PRG3: variants seen among roughly 807,000 people sequenced by gnomAD.
The protein encoded by PRG3 is proteoglycan 3.
In PRG3, 25 loss-of-function variants were observed where a neutral mutation model predicts 26.1. The observed-to-expected ratio is 0.96, with a 90% CI of 0.70 to 1.34. The LOEUF is 1.34. Ranked by LOEUF, PRG3 falls within the 40% of genes most tolerant of loss-of-function variation. The probability of loss-of-function intolerance (pLI) is 0.00; values close to 1 mark genes in which losing one functional copy is unlikely to be tolerated. For missense variants in PRG3, 280 were observed against 264.8 expected (o/e 1.06, Z -0.40); for synonymous variants, 111 against 100.4 (o/e 1.11, Z -0.63).
chr11:57,379,434 G>C, intron 3 of PRG3, 60 bp downstream of exon 3: 1 of 1,455,284 alleles, frequency 6.9e-7, no homozygotes, highest in East Asian at 2.3e-5. Context: ...ATAGGGAACA[G>C]AAGACTGAAT....
chr11:57,379,696 T>A lies in PRG3; in HGVS notation c.173A>T (p.Gln58Leu). 6.2e-7 allele frequency: 1 copy of A among 1,613,960 alleles called. No individual in the cohort carries two copies. The highest frequency in any genetic ancestry group is 8.5e-7 in the Non-Finnish European group (1 of 1,180,028). ...RDLALTEEVI[Q>L]AEGEEVKASA... is the part of the protein sequence containing the mutation. ...AGCCTTGACCTCCTCTCCCTCTGCC[T>A]GAATCACCTCCTCCGTCAGAGCCAA... is the stretch of plus-strand genomic sequence containing the variant. The change falls in exon 3 of 6, where the codon CAG (glutamine) becomes CTG (leucine). Residue 58 changes from glutamine (Q) to leucine (L), a missense_variant. Physicochemically the swap from Gln to Leu is moderately radical, Grantham distance 113 (BLOSUM62 -2). Transcript: ENST00000287143.
chr11:57,377,589 T>A, intron 5 of PRG3, 136 bp downstream of exon 5: 1 of 714,334 alleles, frequency 1.4e-6, no homozygotes, highest in Non-Finnish European at 2.3e-6. Flanking sequence ...TCAGCCCTCC[T>A]TACACACAGG....
At chr11:57,378,633 C>T (rs770842857) in intron 4 of PRG3, 48 bp downstream of exon 4, 1 of 1,601,858 alleles carries the variant, frequency 6.2e-7, no homozygotes, top group Non-Finnish European at 8.5e-7. Context: ...GCTACTTTAA[C>T]ACATTCAGAA....
chr11:57,379,730 C>T lies in PRG3; in HGVS notation c.139G>A (p.Glu47Lys). The part of the protein sequence containing the change: ...GQDLDSSKEQ[E>K]RDLALTEEVI... ...TCCTCCGTCAGAGCCAAGTCTCTCT[C>T]CTGCTCCTTTGAACTATCCAGATCC... The change falls in exon 3 of 6, where the codon GAG becomes AAG. Residue 47 changes from glutamate to lysine, a missense_variant. Transcript: ENST00000287143. The T allele has an allele frequency of 1.2e-6, 2 of 1,614,010 alleles. No homozygotes were observed. Among genetic ancestry groups the T allele is most frequent in the Middle Eastern group, 3.3e-4 (2 of 6,062 alleles).
intron 4 of PRG3, among the ~76,000 whole-genome samples, chr11:57,378,440 C>G (rs1856964404): frequency 6.6e-6 from 1 of 151,348 alleles, no homozygotes; most frequent in Admixed American, 6.6e-5. Context: ...TGCCTATTTC[C>G]TTTGTGTAAA....
Position 57,379,500 on chromosome 11 carries a change from T to C in PRG3, c.369A>G (p.Glu123=), listed in dbSNP as rs1259503365. 1 of 1,606,682 alleles carries C rather than the reference T, an allele frequency of 6.2e-7. No homozygotes were observed. Among genetic ancestry groups the C allele is most frequent in the Non-Finnish European group, 8.5e-7 (1 of 1,175,580 alleles). ...LLVRTPKTFA[E]AQNVCSRCYG... is the part of the protein sequence containing the mutation. ...TAGCCTCCCTACTACTTACCTGAGC[T>C]TCTGCAAAAGTTTTAGGAGTCCGCA... The change falls in exon 3 of 6, where the codon GAA becomes GAG. Residue 123 remains glutamate (E), a synonymous_variant. Transcript: ENST00000287143.
chr11:57,377,723 A>G lies in PRG3; in HGVS notation c.619+2T>C. The G allele has an allele frequency of 6.2e-7, 1 of 1,609,966 alleles. No individual in the cohort carries two copies. The highest frequency in any genetic ancestry group is 1.1e-5 in the South Asian group (1 of 90,932). ...CCCTGCCCTGGTGCCCTTCCCCCTCACCTTTGGTGCATAGGGCCACACAGG... is the reference window on the plus strand; with the variant it reads ...CCCTGCCCTGGTGCCCTTCCCCCTCGCCTTTGGTGCATAGGGCCACACAGG... On this transcript the variant is annotated splice_donor_variant, in intron 5 of 5. Coordinates refer to ENST00000287143, the MANE Select transcript of PRG3 (RefSeq NM_006093.4). LOFTEE classifies it high-confidence loss of function.
rs201230268 is a variant in PRG3, at chr11:57,377,756, C to T, written c.588G>A (p.Gly196=). Residue 196 remains glycine (G), a synonymous_variant, in exon 5 of 6, where the codon GGG becomes GGA. Transcript: ENST00000287143. ...AYWSPGQPGN[G]QGSCVALCTK... ...TGCATAGGGCCACACAGGAGCCTTG[C>T]CCATTCCCAGGTTGCCCTGGGGACC... The T allele has an allele frequency of 3.8e-4, 607 of 1,613,068 alleles. 2 individuals are homozygous for T. Among genetic ancestry groups the T allele is most frequent in the South Asian group, 1.4e-3 (126 of 91,060 alleles).
Position 57,380,695 on chromosome 11 carries a change from A to T in PRG3, c.14T>A (p.Leu5Ter), listed in dbSNP as rs144542413. 62 of 1,572,490 alleles carry T rather than the reference A, an allele frequency of 3.9e-5. No individual in the cohort carries two copies. In the African/African-American group the frequency reaches 7.7e-4, roughly 20 times the overall value. MQCL[L>*]LLPFLLLGTV... is the part of the protein sequence containing the mutation. ...TCCCAGCAGGAGAAAGGGCAGGAGC[A>T]AGAGGCATTGCATATCTACTGTCTT... The change falls in exon 2 of 6, where the codon TTG (leucine) becomes TAG (stop). Residue 5 changes from leucine (L) to a stop codon, truncating the protein, a stop_gained. Coordinates refer to ENST00000287143, the MANE Select transcript of PRG3 (RefSeq NM_006093.4). LOFTEE classifies it high-confidence loss of function.
chr11:57,378,723 G>T lies in PRG3; in HGVS notation c.465C>A (p.Val155=). The T allele has an allele frequency of 2.5e-6, 4 of 1,613,788 alleles. No homozygotes were observed. The South Asian group carries it at 4.4e-5, about 18-fold the overall frequency. Residue 155 remains valine, a synonymous_variant, in exon 4 of 6, where the codon GTC becomes GTA. Coordinates refer to ENST00000287143, the MANE Select transcript of PRG3 (RefSeq NM_006093.4). The part of the protein sequence containing the change: ...NYRIQCCTST[V]NQAQVWIGGN... ...CTCCAATCCAGACCTGGGCTTGGTT[G>T]ACTGTGCTAGTGCAGCACTGAATGC...
chr11:57,377,700 C>A, intron 5 of PRG3, 25 bp downstream of exon 5: 1 of 1,579,516 alleles, frequency 6.3e-7, no homozygotes, highest in Non-Finnish European at 8.7e-7. Flanking sequence ...TCCCTTCTCC[C>A]TGCCCTGGTG....
At position 57,378,817 on chromosome 11, in the gene PRG3, AGACG is replaced by A; in HGVS notation, c.376-9_376-6del. On this transcript the variant is annotated splice_region_variant and splice_polypyrimidine_tract_variant and intron_variant, in intron 3 of 5. Coordinates refer to ENST00000287143, the MANE Select transcript of PRG3 (RefSeq NM_006093.4). ...GTAGCATCTGCTGCAGACATTCTGC[AGACG>A]GAAACAAAGTAGAGAATTCCCTCTC... The A allele has an allele frequency of 6.2e-7, 1 of 1,613,454 alleles. No homozygotes were observed.
In PRG3 at chr11:57,379,646, C is replaced by G; in HGVS notation, c.223G>C (p.Asp75His). ...KASACQDNFEDEEAMESDPAA... is the reference protein window; with the variant it reads ...KASACQDNFEHEEAMESDPAA... ...GGGTCCGACTCCATGGCTTCCTCAT[C>G]CTCAAAGTTGTCTTGACAGGCAGAA... is the stretch of plus-strand genomic sequence containing the variant. The change falls in exon 3 of 6, where the codon GAT (aspartate) becomes CAT (histidine). Residue 75 changes from aspartate to histidine, a missense_variant. Coordinates refer to ENST00000287143, the MANE Select transcript of PRG3 (RefSeq NM_006093.4). 6.2e-7 allele frequency: 1 copy of G among 1,613,974 alleles called. No homozygotes were observed. The highest frequency in any genetic ancestry group is 8.5e-7 in the Non-Finnish European group (1 of 1,180,022).
intron 5 of PRG3, 65 bp from the exon 6 acceptor site, chr11:57,376,973 C>A (rs530321434): frequency 1.3e-6 from 2 of 1,578,970 alleles, no homozygotes; most frequent in South Asian, 2.2e-5. Context: ...TCACCTCTTT[C>A]CCTCCTCAGG....
rs764623412 is a variant in PRG3, at chr11:57,380,703, T to G, written c.6A>C (p.Gln2His). Reference protein sequence around the residue: MQCLLLLPFLLL... With the variant: MHCLLLLPFLLL... ...GGAGAAAGGGCAGGAGCAAGAGGCA[T>G]TGCATATCTACTGTCTTTTAGCGAG... The change falls in exon 2 of 6, where the codon CAA (glutamine) becomes CAC (histidine). Residue 2 changes from glutamine (Q) to histidine (H), a missense_variant. Coordinates refer to ENST00000287143, the MANE Select transcript of PRG3 (RefSeq NM_006093.4). 2.8e-5 allele frequency: 44 copies of G among 1,549,306 alleles called. No homozygotes were observed. The highest frequency in any genetic ancestry group is 3.8e-5 in the Non-Finnish European group (44 of 1,153,240).
chr11:57,377,045 C>T, intron 5 of PRG3, 137 bp from the exon 6 acceptor site: 1 of 826,482 alleles, frequency 1.2e-6, no homozygotes, highest in East Asian at 2.6e-5. Flanking sequence ...GCCCCACATC[C>T]CTACTGGCTC....
In PRG3 at chr11:57,380,420, CAAA is replaced by C. The variant is rs948898137; in HGVS notation, c.61+225_61+227del. Among the ~76,000 whole-genome samples, 79 of 9,054 alleles carry C rather than the reference CAAA, an allele frequency of 8.7e-3. 1 individual carries two copies. The Admixed American group carries it at 0.12, about 14-fold the overall frequency. The allele number at this position is 9,054 out of a possible 152,430, so 5.9% of individuals were successfully genotyped here. ...GTCTCAAAACAAAACAAAAAACAAA[CAAA>C]AAAAAAAACAAAAACAACAACAACA... On this transcript the variant is annotated intron_variant, in intron 2 of 5. Coordinates refer to ENST00000287143, the MANE Select transcript of PRG3 (RefSeq NM_006093.4).
chr11:57,378,139 G>A (rs1034062819), intron 4 of PRG3, among the ~76,000 whole-genome samples: 13 of 152,180 alleles, frequency 8.5e-5, no homozygotes, highest in African/African-American at 2.9e-4. Flanking sequence ...GCTCCCAGGG[G>A]ATGGTGGTAC....
chr11:57,379,523 G>A lies in PRG3; in HGVS notation c.346C>T (p.Arg116Trp), dbSNP rs370026693. Residue 116 changes from arginine to tryptophan, a missense_variant, in exon 3 of 6, where the codon CGG becomes TGG. Physicochemically the swap from Arg to Trp is moderately radical, Grantham distance 101. Coordinates refer to ENST00000287143, the MANE Select transcript of PRG3 (RefSeq NM_006093.4). The part of the protein sequence containing the change: ...RCKICRYLLV[R>W]TPKTFAEAQN... ...GCTTCTGCAAAAGTTTTAGGAGTCC[G>A]CACCAATAGGTAGCGGCAGATCTTG... 48 of 1,612,840 alleles carry A rather than the reference G, an allele frequency of 3.0e-5. No individual in the cohort carries two copies. The Middle Eastern group carries it at 4.9e-4, about 17-fold the overall frequency.
Sources: allele counts gnomAD v4.1 joint callset (sites outside exome capture counted in the v4.1 genomes callset), GRCh38; gene constraint gnomAD v4.1.1; transcripts MANE v1.5; gene names NCBI Gene and HGNC (gene_info 2026-07-23, HGNC 2026-07-21).